The following EBF1 variants were observed in gnomAD, a reference collection of about 807,000 sequenced individuals.
EBF1 encodes the protein transcription factor COE1.
In EBF1, 10 loss-of-function variants were observed where a neutral mutation model predicts 68.4. That is an observed-to-expected ratio of 0.15 (90% CI 0.09 to 0.25). EBF1 has a LOEUF of 0.25. Among genes scored for constraint, EBF1 ranks in the 10% least tolerant of loss-of-function variants. The pLI, the probability that EBF1 is intolerant of heterozygous loss-of-function variation, is 1.00. For missense variants in EBF1, 509 were observed against 794.4 expected (o/e 0.64, Z 4.32); for synonymous variants, 298 against 299.8 (o/e 0.99, Z 0.06).
At position 158,757,606 on chromosome 5, in the gene EBF1, G is replaced by A. The variant is rs567100273; in HGVS notation, c.1036+19807C>T. Among the ~76,000 whole-genome samples, 50 of 152,192 alleles carry A rather than the reference G, an allele frequency of 3.3e-4. No individual in the cohort carries two copies. The South Asian group carries it at 7.3e-3, about 22-fold the overall frequency. The stretch of plus-strand genomic sequence containing the variant: ...CTAAATACTGAAGATCATGTTATAC[G>A]CACAAGAGCCTGGACTCTGAAGCCA... On this transcript the variant is annotated intron_variant, in intron 10 of 15. Coordinates refer to ENST00000313708, the MANE Select transcript of EBF1 (RefSeq NM_024007.5).
Position 158,725,795 on chromosome 5 carries a change from G to A in EBF1, c.1125+5274C>T, listed in dbSNP as rs1010853741. 4.6e-5 allele frequency among the ~76,000 whole-genome samples: 7 copies of A among 152,190 alleles called. No homozygotes were observed. The South Asian group carries it at 6.2e-4, about 14-fold the overall frequency. ...GTGTGCTCTCTGGGTTCAAGGTTTGGCGGAGGTTTGTTTGGGATGGTTGTT... is the reference window on the plus strand; with the variant it reads ...GTGTGCTCTCTGGGTTCAAGGTTTGACGGAGGTTTGTTTGGGATGGTTGTT... On this transcript the variant is annotated intron_variant, in intron 11 of 15. Transcript: ENST00000313708.
At chr5:158,789,289 C>T (rs910067339) in intron 9 of EBF1, among the ~76,000 whole-genome samples, 5 of 152,058 alleles carry the variant, frequency 3.3e-5, no homozygotes, top group African/African-American at 1.2e-4. Context: ...ATGTAAGCCT[C>T]AATATATGTA....
chr5:158,812,251 T>C (rs1274783007), intron 8 of EBF1, among the ~76,000 whole-genome samples: 1 of 152,178 alleles, frequency 6.6e-6, no homozygotes, highest in East Asian at 1.9e-4. Flanking sequence ...ACTGGTGTTA[T>C]TAAGATGTTA....
At chr5:158,730,136 A>G (rs540079400) in intron 11 of EBF1, among the ~76,000 whole-genome samples, 1 of 152,334 alleles carries the variant, frequency 6.6e-6, no homozygotes, top group Non-Finnish European at 1.5e-5. Context: ...CTACTAATTC[A>G]ATTTAATGTT....
At chr5:158,736,258 C>T (rs767543168) in intron 10 of EBF1, among the ~76,000 whole-genome samples, 3 of 152,154 alleles carry the variant, frequency 2.0e-5, no homozygotes, top group African/African-American at 7.2e-5. Flanking sequence ...GCCACTCCTC[C>T]GTCCCCGTTA....
chr5:158,966,315 T>C (rs1561651571), intron 6 of EBF1, among the ~76,000 whole-genome samples: 1 of 152,176 alleles, frequency 6.6e-6, no homozygotes, highest in Non-Finnish European at 1.5e-5. Flanking sequence ...TGACCCATAT[T>C]GACCAAAAGG....
At chr5:158,774,408 C>T (rs1399050073) in intron 10 of EBF1, among the ~76,000 whole-genome samples, 1 of 151,878 alleles carries the variant, frequency 6.6e-6, no homozygotes, top group Non-Finnish European at 1.5e-5. Flanking sequence ...AATGCCAACT[C>T]TCTCTTGCAT....
At chr5:158,951,002 T>C (rs1379152649) in intron 6 of EBF1, among the ~76,000 whole-genome samples, 1 of 152,186 alleles carries the variant, frequency 6.6e-6, no homozygotes, top group African/African-American at 2.4e-5. Flanking sequence ...AATCTCCCAA[T>C]TTTTCAATAT....
intron 5 of EBF1, among the ~76,000 whole-genome samples, chr5:159,083,545 G>T (rs999877025): frequency 1.3e-5 from 2 of 152,266 alleles, no homozygotes; most frequent in East Asian, 1.9e-4. Context: ...AATGAAAATT[G>T]TATATCCATA....
intron 6 of EBF1, among the ~76,000 whole-genome samples, chr5:159,065,753 A>G (rs1052390952): frequency 6.6e-6 from 1 of 152,202 alleles, no homozygotes; most frequent in Admixed American, 6.5e-5. Flanking sequence ...TTAAAAATGT[A>G]CATGGGCAGC....
chr5:159,059,935 C>A (rs1429355961), intron 6 of EBF1, among the ~76,000 whole-genome samples: 1 of 152,206 alleles, frequency 6.6e-6, no homozygotes, highest in Non-Finnish European at 1.5e-5. Flanking sequence ...AGCCTCCACA[C>A]TGCTGTTGAG....
intron 10 of EBF1, among the ~76,000 whole-genome samples, chr5:158,768,044 A>G (rs2127642680): frequency 6.6e-6 from 1 of 152,244 alleles, no homozygotes; most frequent in South Asian, 2.1e-4. Context: ...GCAGTGCCAC[A>G]CTATATAGCT....
intron 7 of EBF1, among the ~76,000 whole-genome samples, chr5:158,829,251 ACTGCAAC>A (rs1212401125): frequency 6.6e-6 from 1 of 151,954 alleles, no homozygotes; most frequent in East Asian, 1.9e-4. Flanking sequence ...ATCTCAGCTT[ACTGCAAC>A]CTCTGCGTCC....
At chr5:158,932,814 T>C (rs1429879764) in intron 6 of EBF1, among the ~76,000 whole-genome samples, 3 of 152,220 alleles carry the variant, frequency 2.0e-5, no homozygotes, top group Non-Finnish European at 2.9e-5. Flanking sequence ...AGTATCTCTG[T>C]ACATCAAACC....
At chr5:158,724,935 T>C (rs979134467) in intron 11 of EBF1, among the ~76,000 whole-genome samples, 1 of 152,234 alleles carries the variant, frequency 6.6e-6, no homozygotes, top group Non-Finnish European at 1.5e-5. Flanking sequence ...ACTTTCAATA[T>C]AGATAGAGCG....
chr5:158,899,742 C>A (rs903494872), intron 6 of EBF1, among the ~76,000 whole-genome samples: 3 of 151,898 alleles, frequency 2.0e-5, no homozygotes, highest in Non-Finnish European at 2.9e-5. Flanking sequence ...CTATTTAGAC[C>A]GAAGGAAAAT....
chr5:158,973,795 C>T (rs777359404), intron 6 of EBF1, among the ~76,000 whole-genome samples: 1 of 152,104 alleles, frequency 6.6e-6, no homozygotes, highest in Non-Finnish European at 1.5e-5. Flanking sequence ...CCATAAAATC[C>T]TCAATAATTC....
intron 4 of EBF1, among the ~76,000 whole-genome samples, chr5:159,094,991 T>G (rs1329636197): frequency 6.6e-6 from 1 of 152,208 alleles, no homozygotes; most frequent in Non-Finnish European, 1.5e-5. Flanking sequence ...GCCGTCTATG[T>G]ACCTTTAAGA....
intron 10 of EBF1, among the ~76,000 whole-genome samples, chr5:158,763,893 T>A (rs1302350004): frequency 6.6e-6 from 1 of 152,306 alleles, no homozygotes; most frequent in East Asian, 1.9e-4. Flanking sequence ...AGCTGCCTCC[T>A]CTACAAAATG....
Sources: gnomAD v4.1 joint callset for allele counts (sites outside exome capture counted in the v4.1 genomes callset) on GRCh38, gnomAD v4.1.1 for gene constraint, MANE v1.5 for transcripts, NCBI Gene and HGNC (gene_info 2026-07-23, HGNC 2026-07-21) for gene names.